CLMN: variants seen among roughly 807,000 people sequenced by gnomAD.
The protein encoded by CLMN is calmin (calponin-like, transmembrane).
A neutral mutation model predicts 92.7 loss-of-function variants in CLMN; 57 were observed. The observed-to-expected ratio is 0.61, with a 90% confidence interval of 0.50 to 0.77. CLMN has a LOEUF of 0.77. Ranked by LOEUF, CLMN falls within the 30% of genes least tolerant of loss-of-function variation. The probability of loss-of-function intolerance (pLI) is 0.00; values close to 1 mark genes in which losing one functional copy is unlikely to be tolerated. For synonymous variants in CLMN, 466 were observed against 470.6 expected (o/e 0.99, Z 0.13); for missense variants, 1,158 against 1,237.5 (o/e 0.94, Z 0.96).
chr14:95,221,779 A>G lies in CLMN; in HGVS notation c.241-5T>C. ...CGAGGATTTGTATTCGTGCAGCTAT[A>G]AAACAGAACAGAACAAAACAAGCAC... On this transcript the variant is annotated splice_region_variant and splice_polypyrimidine_tract_variant and intron_variant, in intron 3 of 12. Transcript: ENST00000298912. The G allele has an allele frequency of 1.9e-6, 3 of 1,614,018 alleles. No individual in the cohort carries two copies. Among genetic ancestry groups the G allele is most frequent in the Admixed American group, 1.7e-5 (1 of 59,996 alleles).
chr14:95,253,850 C>G (rs567437796), intron 1 of CLMN, among the ~76,000 whole-genome samples: 1 of 152,164 alleles, frequency 6.6e-6, no homozygotes, highest in South Asian at 2.1e-4. Flanking sequence ...TCCTGACCTC[C>G]TGATCCGCCC....
intron 1 of CLMN, among the ~76,000 whole-genome samples, chr14:95,239,227 C>T (rs2140651126): frequency 6.6e-6 from 1 of 152,268 alleles, no homozygotes; most frequent in African/African-American, 2.4e-5. Context: ...CACTCACACA[C>T]CCAGTTAGCA....
At chr14:95,212,791 T>TC (rs1297856486) in intron 6 of CLMN, among the ~76,000 whole-genome samples, 1 of 151,252 alleles carries the variant, frequency 6.6e-6, no homozygotes, top group East Asian at 1.9e-4. Flanking sequence ...ACATTCTTTT[T>TC]TTTTTTTTTT....
intron 1 of CLMN, among the ~76,000 whole-genome samples, chr14:95,254,286 G>A (rs909737884): frequency 1.3e-5 from 2 of 152,210 alleles, no homozygotes; most frequent in African/African-American, 4.8e-5. Context: ...TAGACAGCGG[G>A]TGCAGCCAGT....
intron 1 of CLMN, among the ~76,000 whole-genome samples, chr14:95,301,895 T>TC (rs2140780431): frequency 6.6e-6 from 1 of 152,322 alleles, no homozygotes; most frequent in Non-Finnish European, 1.5e-5. Context: ...CACAACATGG[T>TC]CCCTGAGTGC....
intron 1 of CLMN, among the ~76,000 whole-genome samples, chr14:95,303,847 C>T (rs975817743): frequency 5.3e-5 from 8 of 152,190 alleles, no homozygotes; most frequent in African/African-American, 1.9e-4. Flanking sequence ...GAGGACGGAC[C>T]CAACTGGGCT....
intron 1 of CLMN, among the ~76,000 whole-genome samples, chr14:95,267,773 G>A (rs572036127): frequency 6.6e-5 from 10 of 152,144 alleles, no homozygotes; most frequent in Non-Finnish European, 1.0e-4. Flanking sequence ...ATCAACCTAC[G>A]TGCCCATCCA....
intron 1 of CLMN, among the ~76,000 whole-genome samples, chr14:95,292,771 G>A (rs1488876919): frequency 2.6e-5 from 4 of 152,090 alleles, no homozygotes; most frequent in African/African-American, 9.7e-5. Context: ...AATCAGCATA[G>A]CCTGATTAAA....
chr14:95,191,704 A>T lies in CLMN; in HGVS notation c.2869T>A (p.Ser957Thr). Residue 957 changes from serine (S) to threonine (T), a missense_variant, in exon 13 of 13, where the codon TCA becomes ACA. Transcript: ENST00000298912. The surrounding 1 kb of genome is among the most constrained non-coding windows in gnomAD (Gnocchi z 5.3). The part of the protein sequence containing the change: ...RKANSSGEAM[S>T]LGSHSPQSDS... ...CTCTGCGGGCTGTGGCTCCCCAGTG[A>T]CATGGCTTCTCCTGAGCTGTTGGCC... 1 of 1,611,988 alleles carries T rather than the reference A, an allele frequency of 6.2e-7. No homozygotes were observed. The highest frequency in any genetic ancestry group is 1.3e-5 in the African/African-American group (1 of 74,932).
chr14:95,250,131 TGGCCCTACTG>T (rs1898725252), intron 1 of CLMN, among the ~76,000 whole-genome samples: 1 of 152,246 alleles, frequency 6.6e-6, no homozygotes, highest in South Asian at 2.1e-4. Flanking sequence ...GGTTCCTGAA[TGGCCCTACTG>T]GGCCCCAGAA....
At chr14:95,212,786 C>CTTTT (rs143791120) in intron 6 of CLMN, among the ~76,000 whole-genome samples, 2 of 137,234 alleles carry the variant, frequency 1.5e-5, no homozygotes, top group Non-Finnish European at 3.1e-5. Flanking sequence ...TTCTGACATT[C>CTTTT]TTTTTTTTTT....
intron 9 of CLMN, among the ~76,000 whole-genome samples, chr14:95,200,971 T>C (rs1238838531): frequency 7.2e-6 from 1 of 138,084 alleles, no homozygotes; most frequent in Non-Finnish European, 1.5e-5. Context: ...CCTATGTTAG[T>C]GGTAAGTTAT....
At position 95,182,103 on chromosome 14, in the gene CLMN, A is replaced by G. The variant is rs1566848298; in HGVS notation, c.*9461T>C. 1 of 152,364 alleles carries G rather than the reference A, an allele frequency of 6.6e-6. No homozygotes were observed. Among genetic ancestry groups the G allele is most frequent in the African/African-American group, 2.4e-5 (1 of 41,582 alleles). The allele number at this position is 152,364 out of a possible 1,614,324, so 9.4% of individuals were successfully genotyped here. On this transcript the variant is annotated 3_prime_UTR_variant, in exon 13 of 13. Transcript: ENST00000298912. ...ATAAATTATTCAAATAGCCATTTAT[A>G]TCTTAATTTACAGTAATCAATAAAT...
At chr14:95,269,567 T>C (rs1267454658) in intron 1 of CLMN, among the ~76,000 whole-genome samples, 2 of 152,230 alleles carry the variant, frequency 1.3e-5, no homozygotes, top group African/African-American at 4.8e-5. Context: ...ATTTGGCCTT[T>C]TGAGTCTCAA....
rs568919207 is a variant in CLMN, at chr14:95,188,415, G to T, written c.*3149C>A. ...AACAAAGACAGGATAATAACCAAAGGTTTTATTAACTTGGAAAATAAAAAT... is the reference window on the plus strand; with the variant it reads ...AACAAAGACAGGATAATAACCAAAGTTTTTATTAACTTGGAAAATAAAAAT... On this transcript the variant is annotated 3_prime_UTR_variant, in exon 13 of 13. Coordinates refer to ENST00000298912, the MANE Select transcript of CLMN (RefSeq NM_024734.4). 1 of 151,960 alleles carries T rather than the reference G, an allele frequency of 6.6e-6. No homozygotes were observed. Among genetic ancestry groups the T allele is most frequent in the East Asian group, 1.9e-4 (1 of 5,170 alleles). The allele number at this position is 151,960 out of a possible 1,614,324, so 9.4% of individuals were successfully genotyped here.
chr14:95,246,912 TG>T (rs1898595351), intron 1 of CLMN, among the ~76,000 whole-genome samples: 2 of 152,174 alleles, frequency 1.3e-5, no homozygotes, highest in African/African-American at 2.4e-5. Context: ...CAACCTTAAC[TG>T]CTACTCTGTG....
chr14:95,257,414 G>A (rs1461284289), intron 1 of CLMN, among the ~76,000 whole-genome samples: 1 of 152,182 alleles, frequency 6.6e-6, no homozygotes, highest in African/African-American at 2.4e-5. Flanking sequence ...AGACCCTGCA[G>A]GAGCCATTTG....
At chr14:95,315,320 C>T (rs893920865) in intron 1 of CLMN, among the ~76,000 whole-genome samples, 6 of 152,098 alleles carry the variant, frequency 3.9e-5, no homozygotes, top group Non-Finnish European at 8.8e-5. Context: ...ACCATTTGTC[C>T]TGGGATGGGC....
At chr14:95,204,501 CA>C (rs763029517) in intron 8 of CLMN, 38 bp from the exon 9 acceptor site, 18 of 1,493,362 alleles carry the variant, frequency 1.2e-5, no homozygotes, top group Non-Finnish European at 1.5e-5. Context: ...CAAAAAAAAA[CA>C]AAAGAACAAC....
Sources: gnomAD v4.1 joint callset for allele counts (sites outside exome capture counted in the v4.1 genomes callset) on GRCh38, gnomAD v4.1.1 for gene constraint, Gnocchi (gnomAD v3.1) non-coding constraint, MANE v1.5 for transcripts, NCBI Gene and HGNC (gene_info 2026-07-23, HGNC 2026-07-21) for gene names.